The following STUM variants were observed in gnomAD, a reference collection of about 807,000 sequenced individuals.
STUM encodes the protein protein stum homolog.
In STUM, 8 loss-of-function variants were observed where a neutral mutation model predicts 15.3. That is an observed-to-expected ratio of 0.52 (90% confidence interval 0.31 to 0.94). STUM has a LOEUF of 0.94. Among genes scored for constraint, STUM ranks in the 40% least tolerant of loss-of-function variants. The probability of loss-of-function intolerance (pLI) is 0.05; values close to 1 mark genes in which losing one functional copy is unlikely to be tolerated. For missense variants in STUM, 142 were observed against 204.9 expected, an observed-to-expected ratio of 0.69 and a Z score of 1.87; for synonymous variants, 78 against 88.7, an observed-to-expected ratio of 0.88 and a Z score of 0.68.
intron 1 of STUM, among the ~76,000 whole-genome samples, chr1:226,561,264 A>G (rs1220341358): frequency 3.9e-5 from 6 of 152,138 alleles, no homozygotes; most frequent in African/African-American, 1.4e-4. Context: ...GCACCTTTGT[A>G]GTAGGTGTTT....
At chr1:226,579,326 G>A (rs483048) in intron 1 of STUM, among the ~76,000 whole-genome samples, 84,230 of 152,092 alleles carry the variant, frequency 0.55, 23,855 homozygotes, top group African/African-American at 0.66. Context: ...AGGGATGCCA[G>A]CTCCCAACAC....
rs560043146 is a variant in STUM at position 226,605,998 on chromosome 1, G to A, written c.*3958G>A. 2 of 152,370 alleles carry A rather than the reference G, an allele frequency of 1.3e-5. No homozygotes were observed. Among genetic ancestry groups the A allele is most frequent in the Admixed American group, 1.3e-4 (2 of 15,296 alleles). The allele number at this position is 152,370 out of a possible 1,614,324, so 9.4% of individuals were successfully genotyped here. On this transcript the variant is annotated 3_prime_UTR_variant, in exon 4 of 4. Coordinates refer to ENST00000366788, the MANE Select transcript of STUM (RefSeq NM_001003665.4). The surrounding 1 kb of genome is among the most constrained non-coding windows in gnomAD (Gnocchi z 4.0). ...CCTCATGCAGGATGCCCAGGGCTCG[G>A]AAGCAGTAAGGAGGATGCTACAGAA...
chr1:226,554,180 C>T (rs1160329676), intron 1 of STUM, among the ~76,000 whole-genome samples: 1 of 152,214 alleles, frequency 6.6e-6, no homozygotes, highest in Non-Finnish European at 1.5e-5. Context: ...TCCCTCTCTC[C>T]TGAAAATGGC....
rs983809899 is a variant in STUM, at chr1:226,549,175, G to A, written c.202+69G>A. On this transcript the variant is annotated intron_variant, in intron 1 of 3. Transcript: ENST00000366788. This position sits in a 1 kb window ranked among gnomAD's most constrained non-coding sequence, Gnocchi z 6.8. ...CGGGAGGGCGTGGGGGGAGAGAAGGGCGCGGCCGGAGACCTCCTGGCGGGG... is the reference window on the plus strand; with the variant it reads ...CGGGAGGGCGTGGGGGGAGAGAAGGACGCGGCCGGAGACCTCCTGGCGGGG... 7.1e-7 allele frequency: 1 copy of A among 1,401,754 alleles called. No individual in the cohort carries two copies. Among genetic ancestry groups the A allele is most frequent in the Non-Finnish European group, 9.7e-7 (1 of 1,033,910 alleles). The allele number at this position is 1,401,754 out of a possible 1,614,324, so 86.8% of individuals were successfully genotyped here.
At chr1:226,592,636 A>G (rs1263806823) in intron 1 of STUM, among the ~76,000 whole-genome samples, 2 of 152,340 alleles carry the variant, frequency 1.3e-5, no homozygotes, top group African/African-American at 2.4e-5. Flanking sequence ...TTTTCCACAC[A>G]TATTCTTATT....
intron 1 of STUM, among the ~76,000 whole-genome samples, chr1:226,574,967 AGGGCTG>A (rs1344965779): frequency 1.3e-5 from 2 of 152,198 alleles, no homozygotes; most frequent in Non-Finnish European, 2.9e-5. Context: ...AGTTCCGAGC[AGGGCTG>A]GGGTCATATG....
In STUM at chr1:226,605,227, G is replaced by A. The variant is rs1042485306; in HGVS notation, c.*3187G>A. The A allele has an allele frequency of 3.3e-5, 5 of 152,404 alleles. No homozygotes were observed. Among genetic ancestry groups the A allele is most frequent in the African/African-American group, 1.2e-4 (5 of 41,462 alleles). The allele number at this position is 152,404 out of a possible 1,614,324, so 9.4% of individuals were successfully genotyped here. A position where few individuals can be genotyped will look rare whatever the true frequency, so the allele number is the denominator to read the frequency against. ...CCCAGACCCACACATCCAGCCCCAA[G>A]AGCAGCCTCACCCAGGCACAGTGCA... On this transcript the variant is annotated 3_prime_UTR_variant, in exon 4 of 4. Transcript: ENST00000366788. This position sits in a 1 kb window ranked among gnomAD's most constrained non-coding sequence, Gnocchi z 4.0.
At chr1:226,559,903 G>A (rs951893437) in intron 1 of STUM, among the ~76,000 whole-genome samples, 4 of 152,078 alleles carry the variant, frequency 2.6e-5, no homozygotes, top group Non-Finnish European at 5.9e-5. Context: ...AACCCGGGGG[G>A]GCGGAGCTTG....
chr1:226,606,864 C>T lies in STUM; in HGVS notation c.*4824C>T, dbSNP rs1202126902. ...GCAGTCCTCACCAGGGGGACACCTCCCTGCTTTGCATTAACTCATCAGCAA... is the reference window on the plus strand; with the variant it reads ...GCAGTCCTCACCAGGGGGACACCTCTCTGCTTTGCATTAACTCATCAGCAA... On this transcript the variant is annotated 3_prime_UTR_variant, in exon 4 of 4. Transcript: ENST00000366788. The T allele has an allele frequency of 6.6e-6, 1 of 152,290 alleles. No individual in the cohort carries two copies. The highest frequency in any genetic ancestry group is 1.5e-5 in the Non-Finnish European group (1 of 68,092). 9.4% of individuals were successfully genotyped at this position (152,290 alleles called of 1,614,324 possible). A position where few individuals can be genotyped will look rare whatever the true frequency, so the allele number is the denominator to read the frequency against.
chr1:226,576,876 GA>G (rs1667823852), intron 1 of STUM, among the ~76,000 whole-genome samples: 1 of 152,170 alleles, frequency 6.6e-6, no homozygotes, highest in Admixed American at 6.5e-5. Context: ...AAACCCTTAT[GA>G]AAGGCTTGCC....
Position 226,606,439 on chromosome 1 carries a change from T to G in STUM, c.*4399T>G, listed in dbSNP as rs1342503907. 6.6e-6 allele frequency: 1 copy of G among 152,206 alleles called. No homozygotes were observed. The highest frequency in any genetic ancestry group is 1.5e-5 in the Non-Finnish European group (1 of 68,036). The allele number at this position is 152,206 out of a possible 1,614,324, so 9.4% of individuals were successfully genotyped here. A position where few individuals can be genotyped will look rare whatever the true frequency, so the allele number is the denominator to read the frequency against. On this transcript the variant is annotated 3_prime_UTR_variant, in exon 4 of 4. Coordinates refer to ENST00000366788, the MANE Select transcript of STUM (RefSeq NM_001003665.4). Reference sequence around the variant, plus strand: ...CTCCCAGGCCCACCTTAGGCTTTAATTGCATTGGCTGTTTCTTATGGTGTT... The same window carrying G: ...CTCCCAGGCCCACCTTAGGCTTTAAGTGCATTGGCTGTTTCTTATGGTGTT...
intron 1 of STUM, among the ~76,000 whole-genome samples, chr1:226,581,498 G>T (rs758669804): frequency 6.6e-6 from 1 of 152,250 alleles, no homozygotes; most frequent in Non-Finnish European, 1.5e-5. Flanking sequence ...GTATCATTAC[G>T]TGGCAGAGGG....
intron 1 of STUM, among the ~76,000 whole-genome samples, chr1:226,588,752 T>C (rs1668039967): frequency 6.6e-6 from 1 of 152,254 alleles, no homozygotes; most frequent in Admixed American, 6.5e-5. Flanking sequence ...TAGCAATCTC[T>C]GATTTTGACC....
chr1:226,570,946 G>A (rs1394346336), intron 1 of STUM, among the ~76,000 whole-genome samples: 9 of 152,098 alleles, frequency 5.9e-5, no homozygotes. Context: ...AAGCAAATTT[G>A]TAGGCCAGGC....
chr1:226,567,129 G>A lies in STUM; in HGVS notation c.202+18023G>A, dbSNP rs1055282163. 6.6e-6 allele frequency among the ~76,000 whole-genome samples: 1 copy of A among 152,196 alleles called. No homozygotes were observed. Among genetic ancestry groups the A allele is most frequent in the African/African-American group, 2.4e-5 (1 of 41,450 alleles). On this transcript the variant is annotated intron_variant, in intron 1 of 3. Coordinates refer to ENST00000366788, the MANE Select transcript of STUM (RefSeq NM_001003665.4). The surrounding 1 kb of genome is among the most constrained non-coding windows in gnomAD (Gnocchi z 4.5). ...GAGAAGGAGACCAGCCTGTTCCTAG[G>A]ATGAAGCCAGTAGGGTGGTGAGGCC...
chr1:226,552,099 T>A lies in STUM; in HGVS notation c.202+2993T>A, dbSNP rs753202553. Among the ~76,000 whole-genome samples the A allele has an allele frequency of 3.3e-5, 5 of 152,150 alleles. No individual in the cohort carries two copies. Among genetic ancestry groups the A allele is most frequent in the Non-Finnish European group, 5.9e-5 (4 of 68,034 alleles). ...GTTTTTTATTTTTATTTTTTCCCTT[T>A]GATGTAGGTGTCTCAGGTCCATCCA... On this transcript the variant is annotated intron_variant, in intron 1 of 3. Coordinates refer to ENST00000366788, the MANE Select transcript of STUM (RefSeq NM_001003665.4). The surrounding 1 kb of genome is among the most constrained non-coding windows in gnomAD (Gnocchi z 4.7).
intron 1 of STUM, among the ~76,000 whole-genome samples, chr1:226,560,470 T>C (rs1478741727): frequency 6.6e-6 from 1 of 152,244 alleles, no homozygotes; most frequent in Non-Finnish European, 1.5e-5. Flanking sequence ...GTTTCGATGA[T>C]TGTCATCTTC....
intron 1 of STUM, among the ~76,000 whole-genome samples, chr1:226,555,798 TCCTTATAATGAC>T (rs1667437284): frequency 2.0e-5 from 3 of 152,128 alleles, no homozygotes; most frequent in African/African-American, 7.2e-5. Flanking sequence ...AAAGCTCGAG[TCCTTATAATGAC>T]CTGTAAGGAC....
rs1281386082 is a variant in STUM at position 226,605,088 on chromosome 1, T to A, written c.*3048T>A. ...TCAGGCTGAGAAGGCCAGGTCCCCA[T>A]GGGAGCGGCAGGAGTCTGATGGCTC... On this transcript the variant is annotated 3_prime_UTR_variant, in exon 4 of 4. Transcript: ENST00000366788. This position sits in a 1 kb window ranked among gnomAD's most constrained non-coding sequence, Gnocchi z 4.0. 1 of 152,196 alleles carries A rather than the reference T, an allele frequency of 6.6e-6. No individual in the cohort carries two copies. The highest frequency in any genetic ancestry group is 6.5e-5 in the Admixed American group (1 of 15,282). The allele number at this position is 152,196 out of a possible 1,614,324, so 9.4% of individuals were successfully genotyped here.
Sources: gnomAD v4.1 joint callset for allele counts (sites outside exome capture counted in the v4.1 genomes callset) on GRCh38, gnomAD v4.1.1 for gene constraint, Gnocchi (gnomAD v3.1) non-coding constraint, MANE v1.5 for transcripts, NCBI Gene and HGNC (gene_info 2026-07-23, HGNC 2026-07-21) for gene names.